The following SPOCK3 variants were observed in gnomAD, a reference collection of about 807,000 sequenced individuals.
SPOCK3 encodes testican-3.
A neutral mutation model predicts 56.6 loss-of-function variants in SPOCK3; 30 were observed. The observed-to-expected ratio is 0.53, with a 90% confidence interval of 0.40 to 0.72. The LOEUF (loss-of-function observed/expected upper bound fraction) is 0.72, where lower values mean the gene tolerates loss of function less well. Among genes scored for constraint, SPOCK3 ranks in the 30% least tolerant of loss-of-function variants. The probability of loss-of-function intolerance (pLI) is 0.00; values close to 1 mark genes in which losing one functional copy is unlikely to be tolerated. For synonymous variants in SPOCK3, 196 were observed against 183.3 expected (o/e 1.07, Z -0.56); for missense variants, 527 against 530.0 (o/e 0.99, Z 0.06).
intron 2 of SPOCK3, among the ~76,000 whole-genome samples, chr4:167,093,344 C>A (rs902714679): frequency 1.3e-5 from 2 of 152,028 alleles, no homozygotes; most frequent in Admixed American, 6.6e-5. Context: ...GCAGAACATG[C>A]AGGTTTGTTA....
rs1736674746 is a variant in SPOCK3 at position 166,906,829 on chromosome 4, A to G, written c.474+5791T>C. Among the ~76,000 whole-genome samples the G allele has an allele frequency of 2.0e-5, 3 of 151,948 alleles. No homozygotes were observed. In the South Asian group the frequency reaches 6.2e-4, roughly 31 times the overall value. ...TATAGAAAAAAATGAAGGGTAATTA[A>G]TTTAGAAAATGAATTTGCTTCAATT... is the stretch of plus-strand genomic sequence containing the variant. On this transcript the variant is annotated intron_variant, in intron 5 of 10. Transcript: ENST00000357545.
At chr4:167,140,356 T>C (rs1476305284) in intron 2 of SPOCK3, among the ~76,000 whole-genome samples, 9 of 152,084 alleles carry the variant, frequency 5.9e-5, no homozygotes, top group African/African-American at 2.2e-4. Context: ...TTTATCTTAA[T>C]AGACATAGCT....
intron 6 of SPOCK3, among the ~76,000 whole-genome samples, chr4:166,799,641 C>A (rs914486288): frequency 6.6e-6 from 1 of 152,110 alleles, no homozygotes; most frequent in Admixed American, 6.5e-5. Context: ...CAAAGACCAA[C>A]AAGCCTGTAG....
intron 4 of SPOCK3, among the ~76,000 whole-genome samples, chr4:166,919,262 A>G (rs1468348904): frequency 6.6e-6 from 1 of 152,232 alleles, no homozygotes; most frequent in African/African-American, 2.4e-5. Flanking sequence ...TTTAAAGTAC[A>G]TGCTTTACAG....
intron 6 of SPOCK3, among the ~76,000 whole-genome samples, chr4:166,850,806 C>T (rs867786182): frequency 6.6e-6 from 1 of 152,222 alleles, no homozygotes; most frequent in Non-Finnish European, 1.5e-5. Context: ...GCACCTGGCT[C>T]GGAGGGTCCT....
intron 6 of SPOCK3, among the ~76,000 whole-genome samples, chr4:166,833,000 C>A (rs1179937765): frequency 1.3e-5 from 2 of 152,096 alleles, no homozygotes; most frequent in Non-Finnish European, 2.9e-5. Flanking sequence ...AATACCTCAG[C>A]ATCATGCAAT....
At chr4:166,970,475 G>C (rs1745253373) in intron 4 of SPOCK3, among the ~76,000 whole-genome samples, 1 of 152,164 alleles carries the variant, frequency 6.6e-6, no homozygotes, top group Non-Finnish European at 1.5e-5. Context: ...TGTAATCCCA[G>C]CACTTTGGGA....
chr4:166,934,333 C>CA (rs34556103), intron 4 of SPOCK3, among the ~76,000 whole-genome samples: 16,721 of 140,214 alleles, frequency 0.12, 1,249 homozygotes, highest in African/African-American at 0.2. Flanking sequence ...ACTAAAAATA[C>CA]AAAAAAAAAA....
chr4:166,907,718 G>A (rs191453071), intron 5 of SPOCK3, among the ~76,000 whole-genome samples: 18 of 152,156 alleles, frequency 1.2e-4, no homozygotes, highest in African/African-American at 3.8e-4. Context: ...GGACTTTATT[G>A]CATAGACATT....
At position 166,942,652 on chromosome 4, in the gene SPOCK3, A is replaced by C. The variant is rs1330222063; in HGVS notation, c.351-29909T>G. On this transcript the variant is annotated intron_variant, in intron 4 of 10. Transcript: ENST00000357545. The stretch of plus-strand genomic sequence containing the variant: ...AGGTGAAATGCAAAGAAGAATGTAA[A>C]TAAGCCAAAAACTCAAAAGCAATGG... Among the ~76,000 whole-genome samples the C allele has an allele frequency of 2.0e-5, 3 of 152,168 alleles. No individual in the cohort carries two copies. In the East Asian group the frequency reaches 5.8e-4, roughly 29 times the overall value.
chr4:167,075,163 C>A (rs1362325461), intron 2 of SPOCK3, among the ~76,000 whole-genome samples: 1 of 151,666 alleles, frequency 6.6e-6, no homozygotes, highest in Non-Finnish European at 1.5e-5. Context: ...CAGGAGGAAC[C>A]AGTTTTATTT....
At chr4:166,927,219 A>G (rs1271138358) in intron 4 of SPOCK3, among the ~76,000 whole-genome samples, 1 of 152,116 alleles carries the variant, frequency 6.6e-6, no homozygotes, top group African/African-American at 2.4e-5. Flanking sequence ...TCCCCACCCA[A>G]ATCTCCTCTT....
At chr4:167,073,448 A>T (rs749649417) in intron 2 of SPOCK3, among the ~76,000 whole-genome samples, 2 of 151,832 alleles carry the variant, frequency 1.3e-5, no homozygotes, top group Non-Finnish European at 2.9e-5. Flanking sequence ...AAAATGGTGC[A>T]TTCATTGTTT....
intron 2 of SPOCK3, among the ~76,000 whole-genome samples, chr4:167,180,356 G>A (rs937484240): frequency 1.3e-5 from 2 of 152,092 alleles, no homozygotes; most frequent in African/African-American, 4.8e-5. Flanking sequence ...GAACATTGAG[G>A]AATGCCCCCA....
rs192039016 is a variant in SPOCK3 at position 166,751,463 on chromosome 4, T to G, written c.931+3045A>C. Among the ~76,000 whole-genome samples, 261 of 152,332 alleles carry G rather than the reference T, an allele frequency of 1.7e-3. 1 individual carries two copies. The highest frequency in any genetic ancestry group is 5.8e-3 in the African/African-American group (240 of 41,586). On this transcript the variant is annotated intron_variant, in intron 8 of 10. Transcript: ENST00000357545. ...GGCATTTTATATATAATTACTTTGTTATTTCTGAAAGTAGAATTACAAATA... is the reference window on the plus strand; with the variant it reads ...GGCATTTTATATATAATTACTTTGTGATTTCTGAAAGTAGAATTACAAATA...
rs535368723 is a variant in SPOCK3, at chr4:166,951,245, G to A, written c.351-38502C>T. 7.0e-3 allele frequency among the ~76,000 whole-genome samples: 990 copies of A among 141,066 alleles called. 96 individuals are homozygous for A. Among genetic ancestry groups the A allele is most frequent in the Admixed American group, 8.3e-3 (122 of 14,718 alleles). The allele number at this position is 141,066 out of a possible 152,430, so 92.5% of individuals were successfully genotyped here. A position where few individuals can be genotyped will look rare whatever the true frequency, so the allele number is the denominator to read the frequency against. On this transcript the variant is annotated intron_variant, in intron 4 of 10. Coordinates refer to ENST00000357545, the MANE Select transcript of SPOCK3 (RefSeq NM_001040159.2). ...ATAGATGCAATAAAAAATGATAAAG[G>A]GGATATCACCACCAATCCCACAGAA...
chr4:166,823,117 T>C (rs1290797698), intron 6 of SPOCK3, among the ~76,000 whole-genome samples: 3 of 152,092 alleles, frequency 2.0e-5, no homozygotes, highest in African/African-American at 7.2e-5. Context: ...AAAGGTTTCT[T>C]ATTTTGTAAC....
intron 2 of SPOCK3, among the ~76,000 whole-genome samples, chr4:167,077,704 A>G (rs974993785): frequency 6.6e-6 from 1 of 151,930 alleles, no homozygotes; most frequent in African/African-American, 2.4e-5. Flanking sequence ...GCACCTTAAT[A>G]TGGCCCAAAG....
At chr4:166,964,454 T>A (rs138862791) in intron 4 of SPOCK3, among the ~76,000 whole-genome samples, 1,874 of 151,884 alleles carry the variant, frequency 0.012, 17 homozygotes, top group Non-Finnish European at 0.019. Context: ...AGAAAAATGG[T>A]AACTCAAAAT....
Sources: gnomAD v4.1 joint callset for allele counts (sites outside exome capture counted in the v4.1 genomes callset) on GRCh38, gnomAD v4.1.1 for gene constraint, MANE v1.5 for transcripts, NCBI Gene and HGNC (gene_info 2026-07-23, HGNC 2026-07-21) for gene names.